The following PRSS27 variants were observed in gnomAD, a reference collection of about 807,000 sequenced individuals.
PRSS27 encodes serine protease 27.
A neutral mutation model predicts 32.0 loss-of-function variants in PRSS27; 25 were observed. The observed-to-expected ratio is 0.78, with a 90% CI of 0.57 to 1.09. The LOEUF (loss-of-function observed/expected upper bound fraction) is 1.09, where lower values mean the gene tolerates loss of function less well. Among genes scored for constraint, PRSS27 ranks in the 50% least tolerant of loss-of-function variants. The pLI, the probability that PRSS27 is intolerant of heterozygous loss-of-function variation, is 0.00. For synonymous variants in PRSS27, 178 were observed against 172.2 expected (o/e 1.03, Z -0.26); for missense variants, 401 against 394.9 (o/e 1.02, Z -0.13).
In PRSS27 at chr16:2,714,172, A is replaced by C; in HGVS notation, c.401T>G (p.Val134Gly). Residue 134 changes from valine to glycine, a missense_variant, in exon 4 of 6, where the codon GTG becomes GGG. Val to Gly is a moderately radical substitution (Grantham distance 109). Coordinates refer to ENST00000302641, the MANE Select transcript of PRSS27 (RefSeq NM_031948.5). This position sits in a 1 kb window ranked among gnomAD's most constrained non-coding sequence, Gnocchi z 4.7. ...DVALVELEAP[V>G]PFTNYILPVC... ...GGGGAGGATGTAATTGGTGAAGGGCACTGGTGCCTCCAGCTCCACCAGGGC... is the reference window on the plus strand; with the variant it reads ...GGGGAGGATGTAATTGGTGAAGGGCCCTGGTGCCTCCAGCTCCACCAGGGC... The C allele has an allele frequency of 1.2e-6, 2 of 1,614,066 alleles. No individual in the cohort carries two copies. The highest frequency in any genetic ancestry group is 8.5e-7 in the Non-Finnish European group (1 of 1,180,018).
intron 1 of PRSS27, among the ~76,000 whole-genome samples, 184 bp downstream of exon 1, chr16:2,719,931 C>G (rs1053165878): frequency 2.0e-5 from 3 of 152,214 alleles, no homozygotes; most frequent in African/African-American, 7.2e-5. Flanking sequence ...CCTGCCTCCC[C>G]ACTTTGGACT....
chr16:2,719,704 C>T (rs1405932606), intron 1 of PRSS27, among the ~76,000 whole-genome samples: 1 of 152,200 alleles, frequency 6.6e-6, no homozygotes, highest in African/African-American at 2.4e-5. Context: ...CACCCTCCCA[C>T]CCCGAGTATG....
chr16:2,714,756 G>A lies in PRSS27; in HGVS notation c.237-420C>T, dbSNP rs536641507. 5.0e-5 allele frequency: 12 copies of A among 240,150 alleles called. No individual in the cohort carries two copies. The highest frequency in any genetic ancestry group is 2.3e-4 in the South Asian group (5 of 22,006). The allele number at this position is 240,150 out of a possible 1,614,324, so 14.9% of individuals were successfully genotyped here. A position where few individuals can be genotyped will look rare whatever the true frequency, so the allele number is the denominator to read the frequency against. On this transcript the variant is annotated intron_variant, in intron 3 of 5. Coordinates refer to ENST00000302641, the MANE Select transcript of PRSS27 (RefSeq NM_031948.5). The surrounding 1 kb of genome is among the most constrained non-coding windows in gnomAD (Gnocchi z 4.7). ...AGTTTCCGATTTTTTTTTTCCCCTA[G>A]AGACAGAGTTCTCATTCTGTCACCC...
At position 2,714,382 on chromosome 16, in the gene PRSS27, G is replaced by C. The variant is rs1447629185; in HGVS notation, c.237-46C>G. 1 of 1,600,128 alleles carries C rather than the reference G, an allele frequency of 6.2e-7. No individual in the cohort carries two copies. Among genetic ancestry groups the C allele is most frequent in the East Asian group, 2.2e-5 (1 of 44,676 alleles). ...GCGGCGTGAGGCGGCCCCTCGTGTG[G>C]GGACAGGCCCGGGAGGGGCTGGGGC... On this transcript the variant is annotated intron_variant, in intron 3 of 5. Coordinates refer to ENST00000302641, the MANE Select transcript of PRSS27 (RefSeq NM_031948.5). The surrounding 1 kb of genome is among the most constrained non-coding windows in gnomAD (Gnocchi z 4.7).
chr16:2,714,739 A>ATT lies in PRSS27; in HGVS notation c.237-405_237-404dup. 2 of 227,688 alleles carry ATT rather than the reference A, an allele frequency of 8.8e-6. No individual in the cohort carries two copies. The highest frequency in any genetic ancestry group is 5.6e-5 in the Admixed American group (1 of 17,884). The allele number at this position is 227,688 out of a possible 1,614,324, so 14.1% of individuals were successfully genotyped here. A position where few individuals can be genotyped will look rare whatever the true frequency, so the allele number is the denominator to read the frequency against. ...TGCCCTCTCTCAGCCCGAGTTTCCG[A>ATT]TTTTTTTTTTCCCCTAGAGACAGAG... is the stretch of plus-strand genomic sequence containing the variant. On this transcript the variant is annotated intron_variant, in intron 3 of 5. Coordinates refer to ENST00000302641, the MANE Select transcript of PRSS27 (RefSeq NM_031948.5). The surrounding 1 kb of genome is among the most constrained non-coding windows in gnomAD (Gnocchi z 4.7).
Position 2,716,538 on chromosome 16 carries a change from G to A in PRSS27, c.47-12C>T, listed in dbSNP as rs372123315. ...GGCCCTCTGAGACCCTGGAAGTGAG[G>A]AGAGGGTGATCAGCCAGGCCAGCTG... On this transcript the variant is annotated splice_polypyrimidine_tract_variant and intron_variant, in intron 1 of 5. Coordinates refer to ENST00000302641, the MANE Select transcript of PRSS27 (RefSeq NM_031948.5). 4.4e-6 allele frequency: 7 copies of A among 1,597,976 alleles called. No individual in the cohort carries two copies. The highest frequency in any genetic ancestry group is 3.4e-5 in the South Asian group (3 of 88,652).
chr16:2,720,001 G>T, intron 1 of PRSS27, 114 bp downstream of exon 1: 2 of 1,012,270 alleles, frequency 2.0e-6, no homozygotes, highest in Non-Finnish European at 2.9e-6. Flanking sequence ...ATGATGGCCT[G>T]TCCCACAGCC....
rs183609431 is a variant in PRSS27, at chr16:2,713,200, G to A, written c.678+329C>T. 660 of 452,520 alleles carry A rather than the reference G, an allele frequency of 1.5e-3. 4 individuals are homozygous for A. Among genetic ancestry groups the A allele is most frequent in the African/African-American group, 0.012 (593 of 50,416 alleles). The allele number at this position is 452,520 out of a possible 1,614,324, so 28.0% of individuals were successfully genotyped here. A position where few individuals can be genotyped will look rare whatever the true frequency, so the allele number is the denominator to read the frequency against. On this transcript the variant is annotated intron_variant, in intron 5 of 5. Coordinates refer to ENST00000302641, the MANE Select transcript of PRSS27 (RefSeq NM_031948.5). ...TGCAAGCTCCGCCTCCCAGGTTCGCGCCATTCTCCTGCCTCAGCCTCCCAA... is the reference window on the plus strand; with the variant it reads ...TGCAAGCTCCGCCTCCCAGGTTCGCACCATTCTCCTGCCTCAGCCTCCCAA...
rs2067689722 is a variant in PRSS27 at position 2,714,643 on chromosome 16, G to T, written c.237-307C>A. The T allele has an allele frequency of 2.5e-6, 1 of 400,658 alleles. No homozygotes were observed. The highest frequency in any genetic ancestry group is 4.6e-6 in the Non-Finnish European group (1 of 216,590). 24.8% of individuals were successfully genotyped at this position (400,658 alleles called of 1,614,324 possible). On this transcript the variant is annotated intron_variant, in intron 3 of 5. Coordinates refer to ENST00000302641, the MANE Select transcript of PRSS27 (RefSeq NM_031948.5). This position sits in a 1 kb window ranked among gnomAD's most constrained non-coding sequence, Gnocchi z 4.7. ...GACAGTCACAGTGCCTACCTGAAAG[G>T]CTGGCTCGGAGAGAACCACCCTCCA... is the stretch of plus-strand genomic sequence containing the variant.
In PRSS27 at chr16:2,713,828, G is replaced by A. The variant is rs1287462705; in HGVS notation, c.509-130C>T. The A allele has an allele frequency of 6.4e-6, 7 of 1,091,156 alleles. No homozygotes were observed. The East Asian group carries it at 1.8e-4, about 28-fold the overall frequency. 67.6% of individuals were successfully genotyped at this position (1,091,156 alleles called of 1,614,324 possible). ...ACCATCTCTGGCTTAGGGCACTGTG[G>A]GGCAGACATCCTCCCTCCTTCCAGG... On this transcript the variant is annotated intron_variant, in intron 4 of 5. Transcript: ENST00000302641.
chr16:2,712,491 A>G lies in PRSS27; in HGVS notation c.*129T>C, dbSNP rs2067667747. 3 of 704,586 alleles carry G rather than the reference A, an allele frequency of 4.3e-6. No homozygotes were observed. Among genetic ancestry groups the G allele is most frequent in the Non-Finnish European group, 6.9e-6 (3 of 435,446 alleles). The allele number at this position is 704,586 out of a possible 1,614,324, so 43.6% of individuals were successfully genotyped here. Reference sequence around the variant, plus strand: ...AAGGGTATTTGAGAGGGGAGGAAGGAGCGCTATTTACAAATGAGTCTGGTG... The same window carrying G: ...AAGGGTATTTGAGAGGGGAGGAAGGGGCGCTATTTACAAATGAGTCTGGTG... On this transcript the variant is annotated 3_prime_UTR_variant, in exon 6 of 6. Transcript: ENST00000302641. The surrounding 1 kb of genome is among the most constrained non-coding windows in gnomAD (Gnocchi z 4.6).
chr16:2,715,893 G>A lies in PRSS27; in HGVS notation c.74-13C>T. Reference sequence around the variant, plus strand: ...GGGCGACCACAGGCTGGGGGAGCATGGGGAGCGGGTGGGGGCGCTCACTGG... The same window carrying A: ...GGGCGACCACAGGCTGGGGGAGCATAGGGAGCGGGTGGGGGCGCTCACTGG... On this transcript the variant is annotated splice_polypyrimidine_tract_variant and intron_variant, in intron 2 of 5. Transcript: ENST00000302641. The A allele has an allele frequency of 6.4e-7, 1 of 1,552,998 alleles. No individual in the cohort carries two copies.
chr16:2,714,255 C>A lies in PRSS27; in HGVS notation c.318G>T (p.Arg106=), dbSNP rs146633946. 3.8e-5 allele frequency: 61 copies of A among 1,613,470 alleles called. No homozygotes were observed. The highest frequency in any genetic ancestry group is 4.7e-5 in the Non-Finnish European group (56 of 1,179,756). ...VQPGPHAMYA[R]VRQVESNPLY... ...GGGGGTTGCTCTCCACCTGCCTCACCCGGGCATACATAGCGTGTGGTCCCG... is the reference window on the plus strand; with the variant it reads ...GGGGGTTGCTCTCCACCTGCCTCACACGGGCATACATAGCGTGTGGTCCCG... Residue 106 remains arginine (R), a synonymous_variant, in exon 4 of 6, where the codon CGG becomes CGT. Coordinates refer to ENST00000302641, the MANE Select transcript of PRSS27 (RefSeq NM_031948.5). This position sits in a 1 kb window ranked among gnomAD's most constrained non-coding sequence, Gnocchi z 4.7.
rs140262459 is a variant in PRSS27, at chr16:2,716,517, C to G, written c.56G>C (p.Arg19Thr). The change falls in exon 2 of 6, where the codon AGG (arginine) becomes ACG (threonine). Residue 19 changes from arginine to threonine, a missense_variant. Coordinates refer to ENST00000302641, the MANE Select transcript of PRSS27 (RefSeq NM_031948.5). ...LLLLLCFGSQ[R>T]AKAATACGRP... ...GTGCTTACCTGTTGCTGCCTTGGCCCTCTGAGACCCTGGAAGTGAGGAGAG... is the reference window on the plus strand; with the variant it reads ...GTGCTTACCTGTTGCTGCCTTGGCCGTCTGAGACCCTGGAAGTGAGGAGAG... The G allele has an allele frequency of 5.7e-4, 912 of 1,603,624 alleles. 4 individuals carry two copies. Among genetic ancestry groups the G allele is most frequent in the African/African-American group, 3.9e-3 (293 of 74,956 alleles).
At chr16:2,716,572 C>T in intron 1 of PRSS27, 46 bp from the exon 2 acceptor site, 2 of 1,567,162 alleles carry the variant, frequency 1.3e-6, no homozygotes, top group Non-Finnish European at 1.7e-6. Flanking sequence ...TGCAGCCTGG[C>T]CTGCCCTCCC....
chr16:2,716,195 A>G, intron 2 of PRSS27: 1 of 561,618 alleles, frequency 1.8e-6, no homozygotes, highest in Non-Finnish European at 3.2e-6. Context: ...CTGGAAGGAT[A>G]GAACAGGTGT....
At chr16:2,713,364 C>A in intron 5 of PRSS27, 165 bp downstream of exon 5, 1 of 733,790 alleles carries the variant, frequency 1.4e-6, no homozygotes, top group East Asian at 2.7e-5. Flanking sequence ...TCCCAAAGTG[C>A]TGGGATTACA....
intron 5 of PRSS27, 179 bp downstream of exon 5, chr16:2,713,350 G>A (rs1040958669): frequency 1.5e-5 from 10 of 671,494 alleles, no homozygotes; most frequent in Admixed American, 6.3e-5. Flanking sequence ...CACCCTCCTT[G>A]GCCTCCCAAA....
At chr16:2,713,230 C>G in intron 5 of PRSS27, 1 of 461,008 alleles carries the variant, frequency 2.2e-6, no homozygotes, top group Non-Finnish European at 4.0e-6. Flanking sequence ...TCCCAAGTAG[C>G]TGGGACTACA....
Sources: gnomAD v4.1 joint callset for allele counts (sites outside exome capture counted in the v4.1 genomes callset) on GRCh38, gnomAD v4.1.1 for gene constraint, Gnocchi (gnomAD v3.1) non-coding constraint, MANE v1.5 for transcripts, NCBI Gene and HGNC (gene_info 2026-07-23, HGNC 2026-07-21) for gene names.